KLHL32: variants seen among roughly 807,000 people sequenced by gnomAD.
KLHL32 encodes the protein kelch like family member 32.
A neutral mutation model predicts 64.8 loss-of-function variants in KLHL32; 35 were observed. That is an observed-to-expected ratio of 0.54 (90% CI 0.41 to 0.72). KLHL32 has a LOEUF of 0.72. Among genes scored for constraint, KLHL32 ranks in the 30% least tolerant of loss-of-function variants. The pLI is 0.00. For missense variants in KLHL32, 589 were observed against 768.5 expected (o/e 0.77, Z 2.76); for synonymous variants, 259 against 281.0 (o/e 0.92, Z 0.78).
intron 5 of KLHL32, among the ~76,000 whole-genome samples, chr6:97,070,870 G>A (rs1790606135): frequency 6.6e-6 from 1 of 151,980 alleles, no homozygotes; most frequent in Non-Finnish European, 1.5e-5. Flanking sequence ...ATTGGTGGGG[G>A]GTGTGTAAAA....
chr6:97,136,806 C>CAT (rs1800071287), intron 10 of KLHL32, among the ~76,000 whole-genome samples: 1 of 152,212 alleles, frequency 6.6e-6, no homozygotes, highest in African/African-American at 2.4e-5. Context: ...AAATACATTA[C>CAT]ATCTGCTTAA....
chr6:96,960,494 G>A (rs1158397676), intron 1 of KLHL32, among the ~76,000 whole-genome samples: 1 of 152,076 alleles, frequency 6.6e-6, no homozygotes, highest in African/African-American at 2.4e-5. Context: ...ACTTCTGTTT[G>A]TTTTTCTCTT....
At chr6:96,912,630 A>G in the KLHL32 span, among the ~76,000 whole-genome samples, 5 of 152,200 alleles carry the variant, frequency 3.3e-5, no homozygotes, top group Non-Finnish European at 7.4e-5. Context: ...TGCTCCATGA[A>G]TGTTACAAAA....
At chr6:97,033,120 G>A (rs893942685) in intron 3 of KLHL32, among the ~76,000 whole-genome samples, 3 of 152,092 alleles carry the variant, frequency 2.0e-5, no homozygotes, top group African/African-American at 7.2e-5. Flanking sequence ...CACTTTGTAT[G>A]TATACTTAAT....
intron 4 of KLHL32, among the ~76,000 whole-genome samples, chr6:97,045,190 T>G (rs1287190843): frequency 6.6e-6 from 1 of 152,168 alleles, no homozygotes; most frequent in African/African-American, 2.4e-5. Context: ...AGAAAGGTGA[T>G]GGATCACAAA....
intron 3 of KLHL32, among the ~76,000 whole-genome samples, chr6:97,014,413 A>T (rs1478529283): frequency 6.6e-6 from 1 of 151,936 alleles, no homozygotes; most frequent in African/African-American, 2.4e-5. Context: ...TGTCTATATA[A>T]TTTATAATTT....
At chr6:96,920,689 T>C (rs1377000438), upstream of KLHL32, among the ~76,000 whole-genome samples, 1 of 152,172 alleles carries the variant, frequency 6.6e-6, no homozygotes, top group East Asian at 1.9e-4. Context: ...AGCTTTGATA[T>C]CAGTCTGCAA....
chr6:97,132,055 A>C (rs34529041), intron 9 of KLHL32, among the ~76,000 whole-genome samples: 239 of 152,306 alleles, frequency 1.6e-3, no homozygotes, highest in Admixed American at 2.8e-3. Flanking sequence ...GAAACCTTTC[A>C]TCATTTTGGC....
At chr6:96,903,746 T>A in the KLHL32 span, among the ~76,000 whole-genome samples, 2 of 152,142 alleles carry the variant, frequency 1.3e-5, no homozygotes, top group East Asian at 3.8e-4. Context: ...CCAATATAGA[T>A]TTGGTTAAAT....
chr6:97,126,741 T>C (rs1054819059), intron 7 of KLHL32, among the ~76,000 whole-genome samples: 6 of 152,194 alleles, frequency 3.9e-5, no homozygotes, highest in African/African-American at 1.4e-4. Flanking sequence ...ATATGAAATA[T>C]ATAAAATATC....
At chr6:97,057,694 C>A (rs1479564055) in intron 4 of KLHL32, among the ~76,000 whole-genome samples, 2 of 151,998 alleles carry the variant, frequency 1.3e-5, no homozygotes, top group Non-Finnish European at 2.9e-5. Flanking sequence ...TATGGCTTGT[C>A]TTCTCAATTT....
intron 2 of KLHL32, among the ~76,000 whole-genome samples, chr6:96,973,730 C>CTCTTTTTTTTTTTTTTTTTTTTTTTTTT (rs1554208428): frequency 5.1e-5 from 6 of 118,246 alleles, no homozygotes; most frequent in African/African-American, 2.0e-4. Context: ...TACAGATTGC[C>CTCTTTTTTTTTTTTTTTTTTTTTTTTTT]TTTTTTTTTT....
chr6:96,977,319 A>T (rs1479058194), intron 3 of KLHL32, among the ~76,000 whole-genome samples: 1 of 152,232 alleles, frequency 6.6e-6, no homozygotes, highest in Non-Finnish European at 1.5e-5. Flanking sequence ...CCTAAATGGC[A>T]GATCTGGAAT....
At chr6:97,061,235 C>A (rs1788836304) in intron 4 of KLHL32, among the ~76,000 whole-genome samples, 1 of 152,118 alleles carries the variant, frequency 6.6e-6, no homozygotes, top group Non-Finnish European at 1.5e-5. Context: ...TGGAGAAGCC[C>A]CAGCTCTACA....
chr6:97,081,624 A>G (rs62413899), intron 5 of KLHL32, among the ~76,000 whole-genome samples: 6,927 of 152,278 alleles, frequency 0.045, 218 homozygotes, highest in Non-Finnish European at 0.066. Context: ...AGCCTTTACT[A>G]ACTTTCCACT....
chr6:97,039,352 A>C (rs966552335), intron 3 of KLHL32, among the ~76,000 whole-genome samples: 2 of 152,168 alleles, frequency 1.3e-5, no homozygotes, highest in African/African-American at 4.8e-5. Context: ...TCATGAAGAC[A>C]TAGAGTAGAT....
intron 3 of KLHL32, among the ~76,000 whole-genome samples, chr6:97,038,302 A>G (rs1784591281): frequency 6.6e-6 from 1 of 151,886 alleles, no homozygotes; most frequent in South Asian, 2.1e-4. Context: ...CAGAATATAT[A>G]AGAAACTCAA....
chr6:97,023,604 C>T (rs1582749206), intron 3 of KLHL32, among the ~76,000 whole-genome samples: 2 of 152,288 alleles, frequency 1.3e-5, no homozygotes, highest in Middle Eastern at 3.4e-3. Flanking sequence ...CATTCCTTAA[C>T]GTAGAATTTC....
chr6:96,946,482 G>C (rs1309600974), intron 1 of KLHL32, among the ~76,000 whole-genome samples: 2 of 152,086 alleles, frequency 1.3e-5, no homozygotes, highest in African/African-American at 4.8e-5. Context: ...GAAGTGCCTG[G>C]ATATGGTGAC....
Sources: allele counts gnomAD v4.1 joint callset (sites outside exome capture counted in the v4.1 genomes callset), GRCh38; gene constraint gnomAD v4.1.1; transcripts MANE v1.5; gene names NCBI Gene and HGNC (gene_info 2026-07-23, HGNC 2026-07-21).